The following AGPS variants were observed in gnomAD, a reference collection of about 807,000 sequenced individuals.
The protein encoded by AGPS is alkyldihydroxyacetonephosphate synthase, peroxisomal.
In AGPS, 26 loss-of-function variants were observed where a neutral mutation model predicts 90.7. The observed-to-expected ratio is 0.29, with a 90% CI of 0.21 to 0.40. The LOEUF is 0.40. Among genes scored for constraint, AGPS ranks in the 10% least tolerant of loss-of-function variants. AGPS has a pLI of 1.00. For missense variants in AGPS, 540 were observed against 816.1 expected (o/e 0.66, Z 4.12); for synonymous variants, 294 against 285.3 (o/e 1.03, Z -0.31).
rs2079258684 is a variant in AGPS, at chr2:177,543,561, T to TG, written c.*5367dup. ...TAAGCCATTATACTGCTGTAACTAATGCATACAAACAATTCTTCTCTTTAC... is the reference window on the plus strand; with the variant it reads ...TAAGCCATTATACTGCTGTAACTAATGGCATACAAACAATTCTTCTCTTTAC... On this transcript the variant is annotated 3_prime_UTR_variant, in exon 20 of 20. Coordinates refer to ENST00000264167, the MANE Select transcript of AGPS (RefSeq NM_003659.4). 2.0e-5 allele frequency: 3 copies of TG among 152,220 alleles called. No homozygotes were observed. The highest frequency in any genetic ancestry group is 7.2e-5 in the African/African-American group (3 of 41,462). The allele number at this position is 152,220 out of a possible 1,614,324, so 9.4% of individuals were successfully genotyped here.
chr2:177,397,093 T>C (rs1041333121), intron 1 of AGPS, among the ~76,000 whole-genome samples: 1 of 151,776 alleles, frequency 6.6e-6, no homozygotes, highest in African/African-American at 2.4e-5. Context: ...AGCCTGCCAC[T>C]GTGCCCAGCT....
Position 177,480,441 on chromosome 2 carries a change from G to A in AGPS, c.1106-1618G>A, listed in dbSNP as rs1463735255. Among the ~76,000 whole-genome samples, 11 of 152,262 alleles carry A rather than the reference G, an allele frequency of 7.2e-5. No homozygotes were observed. In the East Asian group the frequency reaches 2.1e-3, roughly 29 times the overall value. On this transcript the variant is annotated intron_variant, in intron 10 of 19. Coordinates refer to ENST00000264167, the MANE Select transcript of AGPS (RefSeq NM_003659.4). ...TGTCCTTTGTAGGGACATGGATGAA[G>A]CTAGAAACCATCATTCTCAGCAAAC...
At chr2:177,481,007 A>G (rs888895767) in intron 10 of AGPS, among the ~76,000 whole-genome samples, 1 of 152,084 alleles carries the variant, frequency 6.6e-6, no homozygotes, top group African/African-American at 2.4e-5. Flanking sequence ...TGTGGTGAAT[A>G]TATTGTGATC....
At chr2:177,396,153 T>C (rs1169705355) in intron 1 of AGPS, among the ~76,000 whole-genome samples, 1 of 152,040 alleles carries the variant, frequency 6.6e-6, no homozygotes, top group East Asian at 1.9e-4. Context: ...ATTTTGAGAG[T>C]TTATATTCCA....
chr2:177,493,253 A>T, intron 12 of AGPS, 54 bp downstream of exon 12: 1 of 1,470,260 alleles, frequency 6.8e-7, no homozygotes, highest in Non-Finnish European at 9.5e-7. Context: ...AATTTATGAA[A>T]CATCAGTAGG....
chr2:177,418,105 A>G (rs757464360), intron 1 of AGPS, among the ~76,000 whole-genome samples: 3 of 152,160 alleles, frequency 2.0e-5, no homozygotes, highest in Non-Finnish European at 4.4e-5. Context: ...CCAAAAGTTG[A>G]TATAAATATG....
At chr2:177,427,379 T>C (rs1175375686) in intron 2 of AGPS, among the ~76,000 whole-genome samples, 1 of 152,194 alleles carries the variant, frequency 6.6e-6, no homozygotes. Context: ...TGGTTATTTC[T>C]TGTGTTCTGC....
At chr2:177,418,380 G>A (rs1315108738) in intron 1 of AGPS, among the ~76,000 whole-genome samples, 3 of 152,022 alleles carry the variant, frequency 2.0e-5, no homozygotes, top group Admixed American at 6.6e-5. Context: ...CTGGGGATAA[G>A]TTTTTAAATT....
chr2:177,392,783 G>C lies in AGPS; in HGVS notation c.-7G>C. ...GCGGTTCCGGGCGGCAGCACAAGGC[G>C]GTAGCCATGGCGGAGGCGGCGGCTG... On this transcript the variant is annotated 5_prime_UTR_variant, in exon 1 of 20. Coordinates refer to ENST00000264167, the MANE Select transcript of AGPS (RefSeq NM_003659.4). 1 of 1,484,720 alleles carries C rather than the reference G, an allele frequency of 6.7e-7. No homozygotes were observed. Among genetic ancestry groups the C allele is most frequent in the Non-Finnish European group, 8.8e-7 (1 of 1,131,334 alleles). The allele number at this position is 1,484,720 out of a possible 1,614,324, so 92.0% of individuals were successfully genotyped here.
At chr2:177,425,633 A>AG (rs1483959433) in intron 2 of AGPS, among the ~76,000 whole-genome samples, 1 of 150,250 alleles carries the variant, frequency 6.7e-6, no homozygotes, top group African/African-American at 2.5e-5. Flanking sequence ...AAAAAAAAAA[A>AG]AAAAAAAAAA....
At chr2:177,496,092 T>A (rs945241458) in intron 12 of AGPS, among the ~76,000 whole-genome samples, 2 of 152,182 alleles carry the variant, frequency 1.3e-5, no homozygotes, top group African/African-American at 4.8e-5. Flanking sequence ...TCTTCAAAGC[T>A]ATCATGTCAC....
intron 1 of AGPS, among the ~76,000 whole-genome samples, chr2:177,403,526 G>T (rs867557033): frequency 2.0e-5 from 3 of 152,262 alleles, no homozygotes; most frequent in African/African-American, 4.8e-5. Context: ...ATTCTGCTAG[G>T]AGCTGAATGT....
At chr2:177,530,318 A>C (rs2079127442) in intron 19 of AGPS, among the ~76,000 whole-genome samples, 1 of 152,260 alleles carries the variant, frequency 6.6e-6, no homozygotes. Context: ...ATAGGTAATC[A>C]TATAATTTGT....
At chr2:177,454,091 G>A (rs575186424) in intron 8 of AGPS, among the ~76,000 whole-genome samples, 8 of 150,722 alleles carry the variant, frequency 5.3e-5, no homozygotes, top group East Asian at 3.9e-4. Flanking sequence ...TTGAGGATTC[G>A]TTAAGCTTTT....
chr2:177,517,852 A>G (rs1183306021), intron 17 of AGPS, among the ~76,000 whole-genome samples: 1 of 152,178 alleles, frequency 6.6e-6, no homozygotes, highest in Non-Finnish European at 1.5e-5. Flanking sequence ...TGATATCTTT[A>G]TCTTTCATAA....
At chr2:177,459,157 T>C (rs1332268997) in intron 8 of AGPS, among the ~76,000 whole-genome samples, 1 of 152,088 alleles carries the variant, frequency 6.6e-6, no homozygotes, top group Non-Finnish European at 1.5e-5. Context: ...TTACACCTTA[T>C]AAAAAAATCA....
chr2:177,434,469 A>C (rs760279900), intron 3 of AGPS, 52 bp downstream of exon 3: 2 of 1,320,572 alleles, frequency 1.5e-6, no homozygotes, highest in East Asian at 4.7e-5. Context: ...TTTAAAACCC[A>C]AATTAATTTG....
At position 177,539,789 on chromosome 2, in the gene AGPS, A is replaced by G. The variant is rs1482753560; in HGVS notation, c.*1594A>G. The G allele has an allele frequency of 6.6e-6, 1 of 151,888 alleles. No homozygotes were observed. The highest frequency in any genetic ancestry group is 1.5e-5 in the Non-Finnish European group (1 of 67,892). The allele number at this position is 151,888 out of a possible 1,614,324, so 9.4% of individuals were successfully genotyped here. A position where few individuals can be genotyped will look rare whatever the true frequency, so the allele number is the denominator to read the frequency against. ...ATTAGAATTAAATATCAGTTTAACAACAAAATGAAATATTTATTTTTTAGA... is the reference window on the plus strand; with the variant it reads ...ATTAGAATTAAATATCAGTTTAACAGCAAAATGAAATATTTATTTTTTAGA... On this transcript the variant is annotated 3_prime_UTR_variant, in exon 20 of 20. Coordinates refer to ENST00000264167, the MANE Select transcript of AGPS (RefSeq NM_003659.4).
In AGPS at chr2:177,482,199, A is replaced by T; in HGVS notation, c.1233+13A>T. ...AATTGCAAAACAGGTAAAAGAAAAA[A>T]TATATATATATACATACATACATAT... On this transcript the variant is annotated intron_variant, in intron 11 of 19. Coordinates refer to ENST00000264167, the MANE Select transcript of AGPS (RefSeq NM_003659.4). The T allele has an allele frequency of 2.3e-6, 3 of 1,305,652 alleles. No individual in the cohort carries two copies. The highest frequency in any genetic ancestry group is 3.2e-6 in the Non-Finnish European group (3 of 944,958). The allele number at this position is 1,305,652 out of a possible 1,614,324, so 80.9% of individuals were successfully genotyped here.
Sources: gnomAD v4.1 joint callset for allele counts (sites outside exome capture counted in the v4.1 genomes callset) on GRCh38, gnomAD v4.1.1 for gene constraint, MANE v1.5 for transcripts, NCBI Gene and HGNC (gene_info 2026-07-23, HGNC 2026-07-21) for gene names.